The following ADAM20 variants were observed in gnomAD, a reference collection of about 807,000 sequenced individuals.
ADAM20 encodes ADAM metallopeptidase domain 20.
For missense variants in ADAM20, 871 were observed against 883.2 expected, an observed-to-expected ratio of 0.99 and a Z score of 0.18; for synonymous variants, 305 against 310.2, an observed-to-expected ratio of 0.98 and a Z score of 0.18.
At chr14:70,546,688 G>A in the ADAM20 span, among the ~76,000 whole-genome samples, 3 of 151,948 alleles carry the variant, frequency 2.0e-5, no homozygotes, top group African/African-American at 7.3e-5. Flanking sequence ...TCCTTTCACA[G>A]CACCTACATC....
chr14:70,534,089 A>C (rs1188542080), intron 1 of ADAM20, among the ~76,000 whole-genome samples: 1 of 130,044 alleles, frequency 7.7e-6, no homozygotes, highest in African/African-American at 2.6e-5. Flanking sequence ...TCTCAAAAAA[A>C]AAAAAAAAAA....
At chr14:70,544,036 C>G in the ADAM20 span, among the ~76,000 whole-genome samples, 1 of 152,100 alleles carries the variant, frequency 6.6e-6, no homozygotes, top group African/African-American at 2.4e-5. Context: ...CCTCTCCAAC[C>G]AGAGACACGC....
chr14:70,565,628 C>T, the ADAM20 span, among the ~76,000 whole-genome samples: 2 of 152,008 alleles, frequency 1.3e-5, no homozygotes, highest in South Asian at 2.1e-4. Context: ...CCCTTCATAT[C>T]GACATGTTCT....
chr14:70,565,095 A>G, the ADAM20 span, among the ~76,000 whole-genome samples: 5,163 of 151,374 alleles, frequency 0.034, 286 homozygotes, highest in African/African-American at 0.12. Context: ...AATTTTTAAA[A>G]TACTAGAAAA....
In ADAM20 at chr14:70,524,252, G is replaced by A. The variant is rs1472142253; in HGVS notation, c.506C>T (p.Pro169Leu). Residue 169 changes from proline (P) to leucine (L), a missense_variant, in exon 2 of 2, where the codon CCA becomes CTA. Pro to Leu is a moderately conservative substitution (Grantham distance 98). Coordinates refer to ENST00000256389, the MANE Select transcript of ADAM20 (RefSeq NM_003814.5). ...TTCTGTTAACCCACATCTCATAGGTGGAAACTGTGTATCATCACTGTCTAT... is the reference window on the plus strand; with the variant it reads ...TTCTGTTAACCCACATCTCATAGGTAGAAACTGTGTATCATCACTGTCTAT... ...YKIDSDDTQFPPMRCGLTEEK... is the reference protein window; with the variant it reads ...YKIDSDDTQFLPMRCGLTEEK... The A allele has an allele frequency of 6.2e-7, 1 of 1,613,920 alleles. No individual in the cohort carries two copies. Among genetic ancestry groups the A allele is most frequent in the Non-Finnish European group, 8.5e-7 (1 of 1,179,926 alleles).
chr14:70,543,169 T>C, the ADAM20 span, among the ~76,000 whole-genome samples: 4 of 152,208 alleles, frequency 2.6e-5, no homozygotes, highest in Admixed American at 2.6e-4. Context: ...TAAATTACAT[T>C]CCAATACCCC....
the ADAM20 span, among the ~76,000 whole-genome samples, chr14:70,574,948 A>G: frequency 6.6e-6 from 1 of 151,996 alleles, no homozygotes; most frequent in African/African-American, 2.4e-5. Context: ...ACACACACAA[A>G]TACTAGATGA....
chr14:70,542,048 G>C, the ADAM20 span, among the ~76,000 whole-genome samples: 1 of 148,956 alleles, frequency 6.7e-6, no homozygotes, highest in Non-Finnish European at 1.5e-5. Context: ...CTAATAGGGA[G>C]ACTAGAGTGA....
Position 70,524,801 on chromosome 14 carries a change from A to G in ADAM20, c.-44T>C. ...GAGCCATCTGTCTAGAGCAGAAGAG[A>G]ACAAGGTGTGAGGCACTGCTGGTCT... is the stretch of plus-strand genomic sequence containing the variant. On this transcript the variant is annotated 5_prime_UTR_variant, in exon 2 of 2. Transcript: ENST00000256389. 1.9e-6 allele frequency: 3 copies of G among 1,613,528 alleles called. No homozygotes were observed. Among genetic ancestry groups the G allele is most frequent in the Non-Finnish European group, 2.5e-6 (3 of 1,179,918 alleles).
the ADAM20 span, among the ~76,000 whole-genome samples, chr14:70,570,842 T>C: frequency 1.3e-5 from 2 of 151,988 alleles, no homozygotes; most frequent in East Asian, 1.9e-4. Flanking sequence ...TTTCTGAACA[T>C]AGATGCAAAA....
the ADAM20 span, among the ~76,000 whole-genome samples, chr14:70,543,638 C>T: frequency 2.0e-5 from 3 of 152,124 alleles, no homozygotes; most frequent in Non-Finnish European, 2.9e-5. Context: ...TAATAATATG[C>T]CTAGGACTAA....
chr14:70,553,659 ACAT>A, the ADAM20 span, among the ~76,000 whole-genome samples: 4 of 151,968 alleles, frequency 2.6e-5, no homozygotes, highest in African/African-American at 9.7e-5. Context: ...TCAGCGTGGT[ACAT>A]CATATCAACA....
In ADAM20 at chr14:70,534,981, C is replaced by T. The variant is rs1275329433; in HGVS notation, c.-361G>A. 6.6e-6 allele frequency: 1 copy of T among 152,200 alleles called. No individual in the cohort carries two copies. The highest frequency in any genetic ancestry group is 1.5e-5 in the Non-Finnish European group (1 of 68,044). The allele number at this position is 152,200 out of a possible 1,614,324, so 9.4% of individuals were successfully genotyped here. A position where few individuals can be genotyped will look rare whatever the true frequency, so the allele number is the denominator to read the frequency against. ...AATGGGAATCTGAGATTGATGTGGG[C>T]ATGACCCTAGTCTTAAACACACTGC... On this transcript the variant is annotated 5_prime_UTR_variant, in exon 1 of 2. The change abolishes an upstream ATG in the 5' untranslated region. Coordinates refer to ENST00000256389, the MANE Select transcript of ADAM20 (RefSeq NM_003814.5).
At chr14:70,572,696 C>T in the ADAM20 span, among the ~76,000 whole-genome samples, 1 of 151,996 alleles carries the variant, frequency 6.6e-6, no homozygotes, top group Non-Finnish European at 1.5e-5. Flanking sequence ...TTGCAAACTA[C>T]ACATCTAACA....
the ADAM20 span, among the ~76,000 whole-genome samples, chr14:70,568,463 A>G: frequency 2.6e-5 from 4 of 152,272 alleles, no homozygotes; most frequent in Admixed American, 2.6e-4. Flanking sequence ...GAACTCTGGC[A>G]GTATAAAAAG....
the ADAM20 span, among the ~76,000 whole-genome samples, chr14:70,546,296 G>A: frequency 1.3e-5 from 2 of 152,160 alleles, no homozygotes; most frequent in East Asian, 1.9e-4. Context: ...ATTTTGCCAA[G>A]TTTGAGGATG....
chr14:70,565,629 G>A, the ADAM20 span, among the ~76,000 whole-genome samples: 169 of 152,158 alleles, frequency 1.1e-3, 1 homozygote, highest in East Asian at 3.3e-3. Flanking sequence ...CCTTCATATC[G>A]ACATGTTCTG....
At chr14:70,542,920 C>T in the ADAM20 span, among the ~76,000 whole-genome samples, 1 of 147,272 alleles carries the variant, frequency 6.8e-6, no homozygotes. Flanking sequence ...GCCTAGGGGA[C>T]AGAGCAAGAC....
At chr14:70,524,954 T>C in intron 1 of ADAM20, 21 bp from the exon 2 acceptor site, 1 of 1,532,678 alleles carries the variant, frequency 6.5e-7, no homozygotes, top group African/African-American at 1.4e-5. Context: ...CAGGATGGGG[T>C]GGGTGGGATA....
Sources: gnomAD v4.1 joint callset for allele counts (sites outside exome capture counted in the v4.1 genomes callset) on GRCh38, gnomAD v4.1.1 for gene constraint, MANE v1.5 for transcripts, NCBI Gene and HGNC (gene_info 2026-07-23, HGNC 2026-07-21) for gene names.